Variants in FARS2 observed in about 807,000 individuals in gnomAD.
FARS2 encodes the protein phenylalanine--tRNA ligase, mitochondrial.
A neutral mutation model predicts 46.4 loss-of-function variants in FARS2; 40 were observed. That is an observed-to-expected ratio of 0.86 (90% CI 0.67 to 1.12). FARS2 has a LOEUF of 1.12. Ranked by LOEUF, FARS2 falls within the 50% of genes most tolerant of loss-of-function variation. The pLI is 0.00. For missense variants in FARS2, 513 were observed against 567.9 expected (o/e 0.90, Z 0.98); for synonymous variants, 234 against 214.9 (o/e 1.09, Z -0.78).
chr6:5,281,029 CTT>C (rs1766687246), intron 1 of FARS2, among the ~76,000 whole-genome samples: 1 of 152,114 alleles, frequency 6.6e-6, no homozygotes, highest in African/African-American at 2.4e-5. Flanking sequence ...AGGGATGACA[CTT>C]TGGGGAGTAA....
chr6:5,290,711 C>G (rs1767443084), intron 1 of FARS2, among the ~76,000 whole-genome samples: 1 of 152,180 alleles, frequency 6.6e-6, no homozygotes, highest in African/African-American at 2.4e-5. Context: ...AATGGCAGCA[C>G]TGTGTTAATC....
At chr6:5,703,308 G>A (rs544208625) in intron 6 of FARS2, among the ~76,000 whole-genome samples, 60 of 151,978 alleles carry the variant, frequency 3.9e-4, no homozygotes, top group Non-Finnish European at 7.2e-4. Flanking sequence ...CTTACTCTCC[G>A]CTGGGTGCTG....
chr6:5,753,595 A>G (rs758271453), intron 6 of FARS2, among the ~76,000 whole-genome samples: 1 of 152,192 alleles, frequency 6.6e-6, no homozygotes, highest in Non-Finnish European at 1.5e-5. Flanking sequence ...CCCATGTAAC[A>G]TGCATAGACA....
chr6:5,691,575 C>T (rs916035409), intron 6 of FARS2, among the ~76,000 whole-genome samples: 9 of 152,158 alleles, frequency 5.9e-5, no homozygotes, highest in Admixed American at 1.3e-4. Flanking sequence ...AGTACCCGGC[C>T]GTGTGAGGTG....
intron 6 of FARS2, among the ~76,000 whole-genome samples, chr6:5,743,311 C>T (rs1300712042): frequency 1.3e-5 from 2 of 152,146 alleles, no homozygotes; most frequent in African/African-American, 2.4e-5. Flanking sequence ...GACCTCCTTT[C>T]ACCCACCCCA....
In FARS2 at chr6:5,771,153, T is replaced by C. The variant is rs549638511; in HGVS notation, c.1218-138T>C. 1.8e-4 allele frequency: 154 copies of C among 853,540 alleles called. 1 individual carries two copies. The South Asian group carries it at 2.4e-3, about 13-fold the overall frequency. The allele number at this position is 853,540 out of a possible 1,614,324, so 52.9% of individuals were successfully genotyped here. A position where few individuals can be genotyped will look rare whatever the true frequency, so the allele number is the denominator to read the frequency against. Reference sequence around the variant, plus strand: ...CTCCCCCTGTATAAGATGCAGATTGTTAGCGGTAAATGGTACCTGGATTCC... The same window carrying C: ...CTCCCCCTGTATAAGATGCAGATTGCTAGCGGTAAATGGTACCTGGATTCC... On this transcript the variant is annotated intron_variant, in intron 6 of 6. Transcript: ENST00000274680.
intron 3 of FARS2, among the ~76,000 whole-genome samples, chr6:5,411,911 C>G (rs974124091): frequency 6.6e-6 from 1 of 152,048 alleles, no homozygotes; most frequent in African/African-American, 2.4e-5. Flanking sequence ...TCAGAGTAAC[C>G]AAGGTGGGGA....
chr6:5,506,819 A>G (rs530351029), intron 4 of FARS2, among the ~76,000 whole-genome samples: 68 of 152,338 alleles, frequency 4.5e-4, no homozygotes, highest in African/African-American at 1.6e-3. Flanking sequence ...GTTCGTGAAC[A>G]ATAAGATAGC....
At chr6:5,454,716 C>G (rs759475125) in intron 4 of FARS2, among the ~76,000 whole-genome samples, 66 of 152,278 alleles carry the variant, frequency 4.3e-4, no homozygotes, top group Non-Finnish European at 7.2e-4. Flanking sequence ...TTTGGATTCT[C>G]ATTGCTCTGA....
chr6:5,303,526 G>A (rs1224362853), intron 1 of FARS2, among the ~76,000 whole-genome samples: 3 of 151,958 alleles, frequency 2.0e-5, no homozygotes, highest in East Asian at 1.9e-4. Flanking sequence ...CGGGAGAGCC[G>A]CTCCTGCCCT....
intron 1 of FARS2, among the ~76,000 whole-genome samples, chr6:5,315,737 T>TG (rs1554162002): frequency 1.3e-5 from 2 of 148,620 alleles, no homozygotes; most frequent in African/African-American, 2.5e-5. Flanking sequence ...TTTCTTTCTT[T>TG]TTTCCTTTCT....
Position 5,573,138 on chromosome 6 carries a change from T to C in FARS2, c.1065+27798T>C, listed in dbSNP as rs116419450. On this transcript the variant is annotated intron_variant, in intron 5 of 6. Transcript: ENST00000274680. ...AGTAGAAATTTATTTGTTGATTCAC[T>C]GATTCAATAACTCTCTGTTGAGTCT... is the stretch of plus-strand genomic sequence containing the variant. Among the ~76,000 whole-genome samples the C allele has an allele frequency of 5.3e-3, 807 of 152,342 alleles. 10 individuals carry two copies. Among genetic ancestry groups the C allele is most frequent in the African/African-American group, 0.018 (765 of 41,584 alleles).
At chr6:5,453,058 C>T (rs1423618543) in intron 4 of FARS2, among the ~76,000 whole-genome samples, 1 of 152,110 alleles carries the variant, frequency 6.6e-6, no homozygotes, top group Non-Finnish European at 1.5e-5. Flanking sequence ...GATTAATTGC[C>T]TTGGTTTGGA....
chr6:5,761,568 C>T (rs1323624941), intron 6 of FARS2, among the ~76,000 whole-genome samples: 2 of 152,190 alleles, frequency 1.3e-5, no homozygotes, highest in Non-Finnish European at 2.9e-5. Flanking sequence ...TGCCTTGTAA[C>T]AGTACAGAGT....
intron 5 of FARS2, among the ~76,000 whole-genome samples, chr6:5,568,139 T>G (rs1239009989): frequency 6.6e-6 from 1 of 152,200 alleles, no homozygotes. Flanking sequence ...TCCCCCTTTC[T>G]GTCTGTGTCT....
intron 1 of FARS2, among the ~76,000 whole-genome samples, chr6:5,337,566 A>G (rs1267294173): frequency 6.6e-6 from 1 of 152,108 alleles, no homozygotes; most frequent in East Asian, 1.9e-4. Context: ...GTTATTGTAA[A>G]GGATGTTTTT....
intron 5 of FARS2, among the ~76,000 whole-genome samples, chr6:5,576,843 T>A (rs568218459): frequency 1.6e-4 from 25 of 152,056 alleles, no homozygotes; most frequent in Admixed American, 7.2e-4. Flanking sequence ...CATTTTTTTT[T>A]AATTTTGAAC....
At chr6:5,746,924 T>C (rs1761678724) in intron 6 of FARS2, among the ~76,000 whole-genome samples, 1 of 152,114 alleles carries the variant, frequency 6.6e-6, no homozygotes, top group South Asian at 2.1e-4. Flanking sequence ...GACCTTTAGA[T>C]TATGATGGGA....
At chr6:5,558,913 T>G (rs1274317800) in intron 5 of FARS2, among the ~76,000 whole-genome samples, 1 of 152,112 alleles carries the variant, frequency 6.6e-6, no homozygotes, top group African/African-American at 2.4e-5. Context: ...AGAGTCCATA[T>G]GGCAGAGTTT....
Sources: allele counts gnomAD v4.1 joint callset (sites outside exome capture counted in the v4.1 genomes callset), GRCh38; gene constraint gnomAD v4.1.1; transcripts MANE v1.5; gene names NCBI Gene and HGNC (gene_info 2026-07-23, HGNC 2026-07-21).